The following CEP85L variants were observed in gnomAD, a reference collection of about 807,000 sequenced individuals.
CEP85L encodes the protein centrosomal protein 85L.
CEP85L carries 60 observed loss-of-function variants against 100.3 expected under a neutral mutation model. The ratio of observed to expected loss-of-function variants is 0.60; its 90% CI spans 0.49 to 0.74. The LOEUF (loss-of-function observed/expected upper bound fraction) is 0.74, where lower values mean the gene tolerates loss of function less well. Among genes scored for constraint, CEP85L ranks in the 30% least tolerant of loss-of-function variants. CEP85L has a pLI of 0.00. For missense variants in CEP85L, 973 were observed against 936.2 expected (o/e 1.04, Z -0.51); for synonymous variants, 319 against 322.7 (o/e 0.99, Z 0.12).
At chr6:118,709,292 C>T (rs1171958727) in intron 1 of CEP85L, among the ~76,000 whole-genome samples, 1 of 152,168 alleles carries the variant, frequency 6.6e-6, no homozygotes, top group Non-Finnish European at 1.5e-5. Context: ...TGCCCATTTC[C>T]TCACTCATTA....
At chr6:118,506,715 C>CA (rs1330897244) in intron 5 of CEP85L, among the ~76,000 whole-genome samples, 1 of 152,130 alleles carries the variant, frequency 6.6e-6, no homozygotes, top group East Asian at 1.9e-4. Context: ...TGTTTTGTAG[C>CA]AAGACAAGCT....
intron 1 of CEP85L, among the ~76,000 whole-genome samples, chr6:118,633,290 T>C (rs1774289992): frequency 6.6e-6 from 1 of 151,494 alleles, no homozygotes. Flanking sequence ...CTGTAAGCGC[T>C]GCCTCCCGGG....
chr6:118,709,363 A>T (rs1777706381), intron 1 of CEP85L, among the ~76,000 whole-genome samples: 1 of 152,168 alleles, frequency 6.6e-6, no homozygotes, highest in Non-Finnish European at 1.5e-5. Flanking sequence ...TATGTCAAAC[A>T]GGAGTTGAGT....
intron 2 of CEP85L, among the ~76,000 whole-genome samples, chr6:118,608,363 C>T (rs570491221): frequency 6.0e-4 from 92 of 152,074 alleles, no homozygotes; most frequent in Non-Finnish European, 1.1e-3. Flanking sequence ...GGCGTGGTGG[C>T]GTACGCCTGA....
chr6:118,699,034 G>C (rs758012510), intron 1 of CEP85L, among the ~76,000 whole-genome samples: 68 of 152,050 alleles, frequency 4.5e-4, no homozygotes, highest in Non-Finnish European at 9.0e-4. Context: ...GGGTTCAGGG[G>C]CTTATTAGAA....
intron 10 of CEP85L, among the ~76,000 whole-genome samples, chr6:118,475,355 T>A (rs1179982749): frequency 1.7e-4 from 25 of 145,030 alleles, no homozygotes; most frequent in African/African-American, 6.2e-4. Flanking sequence ...ACATTTTTTT[T>A]TTTTTTTTTT....
At chr6:118,544,978 C>T (rs186485665) in intron 3 of CEP85L, among the ~76,000 whole-genome samples, 1 of 152,252 alleles carries the variant, frequency 6.6e-6, no homozygotes, top group East Asian at 1.9e-4. Context: ...CAGTAATTAT[C>T]AAACCCTCAA....
chr6:118,608,386 T>C (rs553179401), intron 2 of CEP85L, among the ~76,000 whole-genome samples: 2 of 151,958 alleles, frequency 1.3e-5, no homozygotes, highest in South Asian at 2.1e-4. Context: ...TCCCAGCTAC[T>C]CGGGAGGCTG....
At chr6:118,520,908 T>C (rs1776627177) in intron 4 of CEP85L, among the ~76,000 whole-genome samples, 3 of 152,222 alleles carry the variant, frequency 2.0e-5, no homozygotes, top group Admixed American at 6.5e-5. Flanking sequence ...ACACTTTTTC[T>C]CATGAGATGG....
At chr6:118,611,556 A>G (rs1459812666) in intron 2 of CEP85L, among the ~76,000 whole-genome samples, 4 of 152,218 alleles carry the variant, frequency 2.6e-5, no homozygotes, top group Admixed American at 6.6e-5. Flanking sequence ...ATTAAAAGAT[A>G]GAAATTGGCA....
intron 3 of CEP85L, among the ~76,000 whole-genome samples, chr6:118,527,487 A>C (rs978997233): frequency 2.0e-5 from 3 of 152,174 alleles, no homozygotes; most frequent in African/African-American, 4.8e-5. Flanking sequence ...TTTTGAAAGT[A>C]ACTGTTCTCA....
rs982423831 is a variant in CEP85L at position 118,470,458 on chromosome 6, A to G, written c.2022+79T>C. ...TCAAAATCATGTCTTTAATCTGAAA[A>G]TGCTCTATTAATATCTATAAAATAA... On this transcript the variant is annotated intron_variant, in intron 11 of 12. Coordinates refer to ENST00000368491, the MANE Select transcript of CEP85L (RefSeq NM_001042475.3). 28 of 688,132 alleles carry G rather than the reference A, an allele frequency of 4.1e-5. No individual in the cohort carries two copies. The South Asian group carries it at 4.8e-4, about 12-fold the overall frequency. The allele number at this position is 688,132 out of a possible 1,614,324, so 42.6% of individuals were successfully genotyped here.
chr6:118,531,116 C>G (rs1012428973), intron 3 of CEP85L, among the ~76,000 whole-genome samples: 16 of 152,126 alleles, frequency 1.1e-4, no homozygotes, highest in African/African-American at 3.9e-4. Flanking sequence ...TGCAACAAAG[C>G]TACAATAACC....
chr6:118,480,313 T>C, intron 9 of CEP85L, 83 bp downstream of exon 9: 3 of 671,534 alleles, frequency 4.5e-6, no homozygotes, highest in Non-Finnish European at 7.4e-6. Flanking sequence ...ATAAATCACA[T>C]AAAATAGCTA....
At chr6:118,519,364 G>A (rs1320469154) in intron 4 of CEP85L, among the ~76,000 whole-genome samples, 2 of 151,448 alleles carry the variant, frequency 1.3e-5, no homozygotes, top group Non-Finnish European at 2.9e-5. Context: ...GCATGAACCC[G>A]GGAGGCGGAG....
intron 2 of CEP85L, among the ~76,000 whole-genome samples, chr6:118,609,266 G>C (rs1418543477): frequency 6.6e-6 from 1 of 152,012 alleles, no homozygotes; most frequent in African/African-American, 2.4e-5. Flanking sequence ...ACGAAATAAA[G>C]GGAGACTTCT....
At chr6:118,514,172 A>C (rs1025212035) in intron 4 of CEP85L, among the ~76,000 whole-genome samples, 1 of 152,206 alleles carries the variant, frequency 6.6e-6, no homozygotes, top group Non-Finnish European at 1.5e-5. Flanking sequence ...TTGTAAAAAA[A>C]TATTCAACTA....
intron 2 of CEP85L, among the ~76,000 whole-genome samples, chr6:118,581,375 C>T (rs904378041): frequency 6.6e-6 from 1 of 152,104 alleles, no homozygotes; most frequent in African/African-American, 2.4e-5. Flanking sequence ...TCTAGCATAA[C>T]CCCTCCATTA....
At chr6:118,663,252 G>T (rs1776031997) in intron 1 of CEP85L, among the ~76,000 whole-genome samples, 1 of 152,052 alleles carries the variant, frequency 6.6e-6, no homozygotes, top group Non-Finnish European at 1.5e-5. Flanking sequence ...TTCCTTTTGG[G>T]ACATTATCCT....
Sources: allele counts gnomAD v4.1 joint callset (sites outside exome capture counted in the v4.1 genomes callset), GRCh38; gene constraint gnomAD v4.1.1; transcripts MANE v1.5; gene names NCBI Gene and HGNC (gene_info 2026-07-23, HGNC 2026-07-21).